Variants in DPP6 observed in about 807,000 individuals in gnomAD.
DPP6 encodes the protein dipeptidyl peptidase like 6.
In DPP6, 69 loss-of-function variants were observed where a neutral mutation model predicts 122.6. The ratio of observed to expected loss-of-function variants is 0.56; its 90% confidence interval spans 0.46 to 0.69. The LOEUF (loss-of-function observed/expected upper bound fraction) is 0.69, where lower values mean the gene tolerates loss of function less well. DPP6 is among the 30% of genes least tolerant of loss of function. The pLI is 0.00. For missense variants in DPP6, 928 were observed against 1,116.9 expected, an observed-to-expected ratio of 0.83 and a Z score of 2.41; for synonymous variants, 418 against 433.1, an observed-to-expected ratio of 0.97 and a Z score of 0.43.
At chr7:154,801,322 A>C (rs369006068) in intron 12 of DPP6, 33 bp from the exon 13 acceptor site, 9 of 1,556,464 alleles carry the variant, frequency 5.8e-6, no homozygotes, top group Non-Finnish European at 7.0e-6. Flanking sequence ...ATGATGTTTT[A>C]GTTGTGGTTT....
intron 6 of DPP6, among the ~76,000 whole-genome samples, chr7:154,643,423 A>G (rs527574055): frequency 6.6e-6 from 1 of 151,716 alleles, no homozygotes; most frequent in East Asian, 1.9e-4. Context: ...AAAGATACAG[A>G]CTTATATAAT....
At chr7:153,812,755 C>T in the DPP6 span, among the ~76,000 whole-genome samples, 1 of 152,258 alleles carries the variant, frequency 6.6e-6, no homozygotes, top group African/African-American at 2.4e-5. Flanking sequence ...AGTAGCCTCA[C>T]AGAGAAATAA....
chr7:154,367,301 G>C (rs1052416941), intron 1 of DPP6, among the ~76,000 whole-genome samples: 6 of 152,182 alleles, frequency 3.9e-5, no homozygotes, highest in African/African-American at 1.4e-4. Context: ...GGTTAACCTG[G>C]AGCCACAGTG....
intron 1 of DPP6, among the ~76,000 whole-genome samples, chr7:154,156,327 A>C (rs1306367071): frequency 6.6e-6 from 1 of 152,228 alleles, no homozygotes; most frequent in Non-Finnish European, 1.5e-5. Context: ...TGCTTTTTAA[A>C]CAGGAGTCCT....
rs918696742 is a variant in DPP6 at position 154,892,489 on chromosome 7, C to T, written c.*9C>T. The T allele has an allele frequency of 4.3e-6, 7 of 1,613,514 alleles. No individual in the cohort carries two copies. The African/African-American group carries it at 9.3e-5, about 22-fold the overall frequency. ...ACGAGGAGGAGGACTAAGCTCAGGT[C>T]GCTCTAAGCACAAACGTGGCTCTTT... On this transcript the variant is annotated 3_prime_UTR_variant, in exon 26 of 26. Transcript: ENST00000377770.
intron 1 of DPP6, among the ~76,000 whole-genome samples, chr7:154,281,148 G>A (rs1804483835): frequency 6.6e-6 from 1 of 151,992 alleles, no homozygotes; most frequent in Non-Finnish European, 1.5e-5. Context: ...AAGGAGCTGG[G>A]ATTACAGGCG....
At chr7:154,433,650 C>T (rs760222235) in intron 1 of DPP6, among the ~76,000 whole-genome samples, 1 of 152,188 alleles carries the variant, frequency 6.6e-6, no homozygotes. Context: ...ATTTCAAACA[C>T]TCCTCATAAT....
At chr7:154,324,984 C>G (rs997541063) in intron 1 of DPP6, among the ~76,000 whole-genome samples, 1 of 151,130 alleles carries the variant, frequency 6.6e-6, no homozygotes, top group Admixed American at 6.6e-5. Flanking sequence ...CCTCACTCAG[C>G]CTCCCGAGTA....
intron 1 of DPP6, among the ~76,000 whole-genome samples, chr7:153,942,746 C>T (rs936820408): frequency 1.3e-5 from 2 of 152,184 alleles, no homozygotes; most frequent in Non-Finnish European, 1.5e-5. Flanking sequence ...ACGAGGCCGC[C>T]CCACACTCTG....
At chr7:153,980,525 GT>G (rs1158552574) in intron 1 of DPP6, among the ~76,000 whole-genome samples, 1 of 151,960 alleles carries the variant, frequency 6.6e-6, no homozygotes, top group Non-Finnish European at 1.5e-5. Flanking sequence ...TTTTTGAAGG[GT>G]TTTTTGTGTG....
At chr7:154,725,426 G>T (rs373486463) in intron 7 of DPP6, among the ~76,000 whole-genome samples, 2 of 152,136 alleles carry the variant, frequency 1.3e-5, no homozygotes, top group East Asian at 3.9e-4. Flanking sequence ...TTTAATCATT[G>T]TAGAGGGGAA....
At chr7:154,489,196 C>T (rs1455993723) in intron 3 of DPP6, among the ~76,000 whole-genome samples, 3 of 152,124 alleles carry the variant, frequency 2.0e-5, no homozygotes, top group Non-Finnish European at 4.4e-5. Context: ...AGAACTTTTC[C>T]GTAGCCCCCA....
chr7:153,946,505 G>A (rs964753810), intron 1 of DPP6, among the ~76,000 whole-genome samples: 22 of 152,074 alleles, frequency 1.4e-4, no homozygotes, highest in South Asian at 2.1e-4. Context: ...TCTTGGTTTC[G>A]ATGGGTTTTA....
Position 154,062,759 on chromosome 7 carries a change from C to T in DPP6, c.243+9696C>T, listed in dbSNP as rs1322653073. On this transcript the variant is annotated intron_variant, in intron 1 of 25. Coordinates refer to ENST00000377770, the MANE Select transcript of DPP6 (RefSeq NM_130797.4). ...GGAGGCACCCTCCGCGAGGCAGGGA[C>T]TGAGAGCCAACCCCTGGTTCCCCCA... 2.1e-4 allele frequency among the ~76,000 whole-genome samples: 16 copies of T among 74,902 alleles called. 3 individuals are homozygous for T. The highest frequency in any genetic ancestry group is 4.3e-4 in the East Asian group (1 of 2,302). The allele number at this position is 74,902 out of a possible 152,430, so 49.1% of individuals were successfully genotyped here.
chr7:154,745,926 A>G (rs367589682), intron 8 of DPP6, among the ~76,000 whole-genome samples: 4 of 152,018 alleles, frequency 2.6e-5, no homozygotes, highest in African/African-American at 2.4e-5. Flanking sequence ...CACCTCCAAC[A>G]TTGGGGATCA....
At chr7:154,580,171 A>G (rs1831961393) in intron 5 of DPP6, among the ~76,000 whole-genome samples, 1 of 148,460 alleles carries the variant, frequency 6.7e-6, no homozygotes, top group Non-Finnish European at 1.5e-5. Flanking sequence ...ACACACACAC[A>G]CACATGCACA....
At chr7:154,682,325 G>A (rs1456190429) in intron 7 of DPP6, among the ~76,000 whole-genome samples, 4 of 152,360 alleles carry the variant, frequency 2.6e-5, no homozygotes, top group Non-Finnish European at 2.9e-5. Flanking sequence ...TCAACAAGGC[G>A]AAAGGACCTG....
intron 6 of DPP6, among the ~76,000 whole-genome samples, chr7:154,638,522 T>A (rs1056218306): frequency 6.6e-6 from 1 of 152,136 alleles, no homozygotes; most frequent in Non-Finnish European, 1.5e-5. Context: ...GCCCCCCGGC[T>A]TCATTCTTTC....
chr7:154,392,419 G>A (rs1368461214), intron 1 of DPP6, among the ~76,000 whole-genome samples: 1 of 152,190 alleles, frequency 6.6e-6, no homozygotes, highest in Non-Finnish European at 1.5e-5. Context: ...TTAAGAAGAA[G>A]TACATGACAA....
Sources: allele counts gnomAD v4.1 joint callset (sites outside exome capture counted in the v4.1 genomes callset), GRCh38; gene constraint gnomAD v4.1.1; transcripts MANE v1.5; gene names NCBI Gene and HGNC (gene_info 2026-07-23, HGNC 2026-07-21).